The following VPS26A variants were observed in gnomAD, a reference collection of about 807,000 sequenced individuals.
VPS26A encodes vacuolar protein sorting-associated protein 26A.
Under a neutral mutation model 42.4 loss-of-function variants are expected in VPS26A, and 22 were observed. The ratio of observed to expected loss-of-function variants is 0.52; its 90% CI spans 0.37 to 0.74. VPS26A has a LOEUF of 0.74. Ranked by LOEUF, VPS26A falls within the 30% of genes least tolerant of loss-of-function variation. The pLI, the probability that VPS26A is intolerant of heterozygous loss-of-function variation, is 0.00. For synonymous variants in VPS26A, 110 were observed against 123.5 expected, an observed-to-expected ratio of 0.89 and a Z score of 0.73; for missense variants, 276 against 379.2, an observed-to-expected ratio of 0.73 and a Z score of 2.26.
At chr10:69,167,255 C>T (rs1015379094) in intron 7 of VPS26A, among the ~76,000 whole-genome samples, 3 of 150,662 alleles carry the variant, frequency 2.0e-5, no homozygotes, top group African/African-American at 7.3e-5. Context: ...CATGGCAAAA[C>T]CCCCATTTCT....
At chr10:69,135,414 C>T (rs1840884166) in intron 2 of VPS26A, among the ~76,000 whole-genome samples, 1 of 152,076 alleles carries the variant, frequency 6.6e-6, no homozygotes, top group Non-Finnish European at 1.5e-5. Flanking sequence ...AAAGCTACTC[C>T]AGTGTGTTCT....
chr10:69,163,414 C>T (rs1381183207), intron 6 of VPS26A, among the ~76,000 whole-genome samples: 1 of 152,154 alleles, frequency 6.6e-6, no homozygotes, highest in Non-Finnish European at 1.5e-5. Flanking sequence ...GCCATTGCAC[C>T]TGGCCATTTA....
At position 69,167,475 on chromosome 10, in the gene VPS26A, C is replaced by T. The variant is rs190388569; in HGVS notation, c.728-1014C>T. 3.1e-3 allele frequency among the ~76,000 whole-genome samples: 475 copies of T among 151,400 alleles called. 3 individuals carry two copies. The highest frequency in any genetic ancestry group is 0.011 in the African/African-American group (454 of 41,268). On this transcript the variant is annotated intron_variant, in intron 7 of 8. Transcript: ENST00000263559. ...AAAAAGCCAGGCGCGGTGGCTCACG[C>T]CTGTAATCCCAGCACTTTGGGAGGC...
chr10:69,127,407 G>T (rs2132179948), intron 1 of VPS26A, among the ~76,000 whole-genome samples: 1 of 151,862 alleles, frequency 6.6e-6, no homozygotes, highest in Admixed American at 6.6e-5. Context: ...CGAAAAATTA[G>T]CCAGGCGCGG....
chr10:69,133,675 TTTTTG>T (rs1423283810), intron 2 of VPS26A: 2 of 1,159,040 alleles, frequency 1.7e-6, no homozygotes, highest in Non-Finnish European at 2.3e-6. Flanking sequence ...TTTTTTGGGT[TTTTTG>T]TTTTGTTTTG....
intron 2 of VPS26A, among the ~76,000 whole-genome samples, chr10:69,146,658 C>T (rs1841167373): frequency 6.6e-6 from 1 of 152,124 alleles, no homozygotes; most frequent in South Asian, 2.1e-4. Context: ...TATAAGTGGT[C>T]ATATAATATT....
chr10:69,137,735 T>C (rs1461870086), intron 2 of VPS26A, among the ~76,000 whole-genome samples: 1 of 152,168 alleles, frequency 6.6e-6, no homozygotes, highest in East Asian at 1.9e-4. Flanking sequence ...AAGAGGATTA[T>C]ACACATGTGT....
chr10:69,165,959 T>C, intron 6 of VPS26A, 83 bp from the exon 7 acceptor site: 1 of 1,337,204 alleles, frequency 7.5e-7, no homozygotes, highest in Non-Finnish European at 1.0e-6. Context: ...AAAAAAATAA[T>C]GTAGTGGAAA....
chr10:69,168,482 C>T lies in VPS26A; in HGVS notation c.728-7C>T. ...TTAGAATTAAGTAGAAATTCCTTTT[C>T]TTTCAGGTGAATCAATTCCAATAAG... On this transcript the variant is annotated splice_polypyrimidine_tract_variant and splice_region_variant and intron_variant, in intron 7 of 8. Coordinates refer to ENST00000263559, the MANE Select transcript of VPS26A (RefSeq NM_004896.5). The T allele has an allele frequency of 6.2e-7, 1 of 1,609,368 alleles. No individual in the cohort carries two copies. Among genetic ancestry groups the T allele is most frequent in the Non-Finnish European group, 8.5e-7 (1 of 1,178,620 alleles).
intron 5 of VPS26A, among the ~76,000 whole-genome samples, chr10:69,159,331 A>C (rs1415676308): frequency 6.6e-6 from 1 of 151,680 alleles, no homozygotes; most frequent in African/African-American, 2.4e-5. Context: ...CAGTGTGCTG[A>C]GATCACGCCA....
At chr10:69,159,435 C>A (rs976091081) in intron 5 of VPS26A, among the ~76,000 whole-genome samples, 1 of 151,288 alleles carries the variant, frequency 6.6e-6, no homozygotes, top group Non-Finnish European at 1.5e-5. Context: ...TCTCCAGAAG[C>A]GTGTCCATGA....
At chr10:69,124,597 G>C (rs1016131319) in intron 1 of VPS26A, among the ~76,000 whole-genome samples, 3 of 152,188 alleles carry the variant, frequency 2.0e-5, no homozygotes, top group Admixed American at 6.5e-5. Context: ...GCTGGTCGCC[G>C]CCTCCCCTTC....
chr10:69,135,868 T>G (rs536115270), intron 2 of VPS26A, among the ~76,000 whole-genome samples: 30 of 152,192 alleles, frequency 2.0e-4, no homozygotes, highest in Non-Finnish European at 3.8e-4. Flanking sequence ...AAGTAGTACT[T>G]TGCCAGCTAC....
At chr10:69,146,329 C>T (rs1841160379) in intron 2 of VPS26A, among the ~76,000 whole-genome samples, 1 of 152,156 alleles carries the variant, frequency 6.6e-6, no homozygotes, top group African/African-American at 2.4e-5. Flanking sequence ...TTATGATCTG[C>T]CCACCTCGGT....
chr10:69,128,650 A>T (rs559503269), intron 1 of VPS26A, among the ~76,000 whole-genome samples: 1 of 152,300 alleles, frequency 6.6e-6, no homozygotes, highest in East Asian at 1.9e-4. Flanking sequence ...ATAGTTTTCA[A>T]ATCTCATTTT....
intron 8 of VPS26A, among the ~76,000 whole-genome samples, chr10:69,169,801 G>A (rs1238442153): frequency 1.3e-5 from 2 of 151,640 alleles, no homozygotes; most frequent in African/African-American, 4.8e-5. Flanking sequence ...TAGAGACTGG[G>A]TTTCACCATG....
At chr10:69,164,332 C>T (rs1248488465) in intron 6 of VPS26A, among the ~76,000 whole-genome samples, 1 of 151,986 alleles carries the variant, frequency 6.6e-6, no homozygotes, top group Admixed American at 6.5e-5. Flanking sequence ...ATCCTCCAAC[C>T]TCAGCGTTGT....
At chr10:69,167,722 G>A (rs1176773160) in intron 7 of VPS26A, among the ~76,000 whole-genome samples, 11 of 118,470 alleles carry the variant, frequency 9.3e-5, no homozygotes, top group African/African-American at 3.4e-4. Flanking sequence ...CGGCCTGGGC[G>A]ACAGACCAAG....
intron 2 of VPS26A, among the ~76,000 whole-genome samples, chr10:69,152,996 A>T (rs1841350703): frequency 6.7e-6 from 1 of 149,122 alleles, no homozygotes; most frequent in African/African-American, 2.5e-5. Flanking sequence ...ACCTGGAAGT[A>T]TGCTTTTTTG....
Sources: gnomAD v4.1 joint callset for allele counts (sites outside exome capture counted in the v4.1 genomes callset) on GRCh38, gnomAD v4.1.1 for gene constraint, MANE v1.5 for transcripts, NCBI Gene and HGNC (gene_info 2026-07-23, HGNC 2026-07-21) for gene names.